The following RAD50 variants were observed in gnomAD, a reference collection of about 807,000 sequenced individuals.
The protein encoded by RAD50 is DNA repair protein RAD50.
RAD50 carries 132 observed loss-of-function variants against 168.8 expected under a neutral mutation model. The ratio of observed to expected loss-of-function variants is 0.78; its 90% CI spans 0.68 to 0.90. The LOEUF (loss-of-function observed/expected upper bound fraction) is 0.90, where lower values mean the gene tolerates loss of function less well. Ranked by LOEUF, RAD50 falls within the 40% of genes least tolerant of loss-of-function variation. RAD50 has a pLI of 0.00. For synonymous variants in RAD50, 525 were observed against 497.4 expected, an observed-to-expected ratio of 1.06 and a Z score of -0.74; for missense variants, 1,347 against 1,534.4, an observed-to-expected ratio of 0.88 and a Z score of 2.04.
rs1365024787 is a variant in RAD50, at chr5:132,601,923, A to T, written c.2208-1377A>T. On this transcript the variant is annotated intron_variant, in intron 13 of 24. Transcript: ENST00000378823. ...GTTCTCACTCATAAATGGGAGTTGA[A>T]CAATGAGAGCACATGGACACAGGGA... is the stretch of plus-strand genomic sequence containing the variant. Among the ~76,000 whole-genome samples the T allele has an allele frequency of 3.9e-5, 6 of 152,170 alleles. No homozygotes were observed. The East Asian group carries it at 1.2e-3, about 29-fold the overall frequency.
At chr5:132,560,051 TACACACACACAC>T (rs143575412) in intron 2 of RAD50, among the ~76,000 whole-genome samples, 1 of 147,580 alleles carries the variant, frequency 6.8e-6, no homozygotes, top group Non-Finnish European at 1.5e-5. Flanking sequence ...GAAACAACAA[TACACACACACAC>T]ACACACACAC....
At position 132,579,379 on chromosome 5, in the gene RAD50, C is replaced by T; in HGVS notation, c.428C>T (p.Ser143Phe). 2 of 1,613,944 alleles carry T rather than the reference C, an allele frequency of 1.2e-6. No individual in the cohort carries two copies. The highest frequency in any genetic ancestry group is 4.5e-5 in the East Asian group (2 of 44,854). Residue 143 changes from serine (S) to phenylalanine (F), a missense_variant, in exon 4 of 25, where the codon TCT becomes TTT. Coordinates refer to ENST00000378823, the MANE Select transcript of RAD50 (RefSeq NM_005732.4). ...CAEIDREMIS[S>F]LGVSKAVLNN... The stretch of plus-strand genomic sequence containing the variant: ...GAAATTGACCGAGAAATGATCAGTT[C>T]TCTTGGGGTTTCCAAGGCTGTGCTA...
intron 21 of RAD50, among the ~76,000 whole-genome samples, chr5:132,629,997 T>C (rs1324236111): frequency 6.6e-6 from 1 of 152,148 alleles, no homozygotes; most frequent in Non-Finnish European, 1.5e-5. Context: ...CAAAATGTTC[T>C]ACTCTCATTT....
intron 2 of RAD50, among the ~76,000 whole-genome samples, chr5:132,560,067 C>T (rs1750097503): frequency 6.7e-6 from 1 of 150,256 alleles, no homozygotes; most frequent in African/African-American, 2.5e-5. Context: ...CACACACACA[C>T]ACACACACAC....
intron 21 of RAD50, among the ~76,000 whole-genome samples, chr5:132,622,935 A>ATACTAAGAAAT (rs1751308937): frequency 6.6e-6 from 1 of 152,234 alleles, no homozygotes; most frequent in Non-Finnish European, 1.5e-5. Context: ...CTTAGTTGGT[A>ATACTAAGAAAT]GGTTCCTAGA....
At chr5:132,640,849 A>T (rs1392446625) in intron 24 of RAD50, 44 bp downstream of exon 24, 9 of 1,612,342 alleles carry the variant, frequency 5.6e-6, no homozygotes, top group Non-Finnish European at 7.6e-6. Flanking sequence ...AGTATCTCAC[A>T]TTTGGGGACA....
rs1750713204 is a variant in RAD50, at chr5:132,592,133, T to C, written c.1793+99T>C. The C allele has an allele frequency of 4.5e-6, 6 of 1,320,038 alleles. No homozygotes were observed. In the South Asian group the frequency reaches 6.1e-5, roughly 13 times the overall value. The allele number at this position is 1,320,038 out of a possible 1,614,324, so 81.8% of individuals were successfully genotyped here. ...TTTATTGTCATGAAATGGTATGTTA[T>C]ATTGATAAACTTTAGTTCTTACATA... On this transcript the variant is annotated intron_variant, in intron 11 of 24. Transcript: ENST00000378823.
chr5:132,587,694 TGTG>T lies in RAD50; in HGVS notation c.885+10_885+12del. The T allele has an allele frequency of 1.2e-6, 2 of 1,613,634 alleles. No homozygotes were observed. Among genetic ancestry groups the T allele is most frequent in the Non-Finnish European group, 1.7e-6 (2 of 1,179,810 alleles). On this transcript the variant is annotated splice_donor_5th_base_variant and intron_variant, in intron 6 of 24. Coordinates refer to ENST00000378823, the MANE Select transcript of RAD50 (RefSeq NM_005732.4). ...ACTGGAAGAGAAAATGGAAAAGGTT[TGTG>T]GTGGTAGAATTTTGTTCTGCTTCAA...
chr5:132,580,136 T>C, intron 5 of RAD50, 70 bp downstream of exon 5: 2 of 1,325,216 alleles, frequency 1.5e-6, no homozygotes, highest in East Asian at 2.3e-5. Context: ...TGTTTTGATA[T>C]AAGTATACAT....
intron 3 of RAD50, among the ~76,000 whole-genome samples, chr5:132,578,575 A>C (rs1488887469): frequency 8.4e-6 from 1 of 118,390 alleles, no homozygotes; most frequent in African/African-American, 3.4e-5. Flanking sequence ...CTTGTTTCCC[A>C]GGCTGGAGTG....
intron 11 of RAD50, chr5:132,592,877 T>C: frequency 2.1e-6 from 1 of 471,074 alleles, no homozygotes; most frequent in Non-Finnish European, 4.4e-6. Flanking sequence ...GCAGCTGATC[T>C]GGAAGCAGTG....
At chr5:132,624,914 AATAAG>A (rs1199482399) in intron 21 of RAD50, among the ~76,000 whole-genome samples, 1 of 151,210 alleles carries the variant, frequency 6.6e-6, no homozygotes, top group African/African-American at 2.4e-5. Flanking sequence ...TTCTATTTGG[AATAAG>A]ATAAGTTGGT....
intron 2 of RAD50, 46 bp downstream of exon 2, chr5:132,559,413 A>G (rs1178004330): frequency 6.5e-7 from 1 of 1,549,100 alleles, no homozygotes. Flanking sequence ...TATAAAAATG[A>G]TAATAGCTTA....
rs763430011 is a variant in RAD50 at position 132,580,065 on chromosome 5, A to C, written c.755A>C (p.Lys252Thr). The change falls in exon 5 of 25, where the codon AAG becomes ACG. Residue 252 changes from lysine to threonine, a missense_variant and splice_region_variant. Lys to Thr is a moderately conservative substitution (Grantham distance 78). Coordinates refer to ENST00000378823, the MANE Select transcript of RAD50 (RefSeq NM_005732.4). Reference sequence around the variant, plus strand: ...TATGAGAATGAACTTGATCCATTGAAGGTAACTTGATTTTATTTTTAATTG... The same window carrying C: ...TATGAGAATGAACTTGATCCATTGACGGTAACTTGATTTTATTTTTAATTG... ...KSYENELDPL[K>T]NRLKEIEHNL... The C allele has an allele frequency of 6.2e-7, 1 of 1,605,500 alleles. No homozygotes were observed. Among genetic ancestry groups the C allele is most frequent in the South Asian group, 1.1e-5 (1 of 90,836 alleles).
intron 9 of RAD50, among the ~76,000 whole-genome samples, chr5:132,590,867 C>T (rs1750685376): frequency 6.6e-6 from 1 of 152,110 alleles, no homozygotes. Flanking sequence ...TTCTACATAC[C>T]AGGCAATATA....
chr5:132,619,570 G>A (rs1445249536), intron 21 of RAD50, among the ~76,000 whole-genome samples: 1 of 151,388 alleles, frequency 6.6e-6, no homozygotes, highest in Non-Finnish European at 1.5e-5. Flanking sequence ...TGGCCCTATT[G>A]GTCTTTTCTT....
At position 132,589,700 on chromosome 5, in the gene RAD50, C is replaced by A. The variant is rs1554098317; in HGVS notation, c.1315C>A (p.Leu439Met). The A allele has an allele frequency of 3.7e-6, 6 of 1,612,428 alleles. No individual in the cohort carries two copies. The highest frequency in any genetic ancestry group is 5.1e-6 in the Non-Finnish European group (6 of 1,179,038). ...TGAGATAAGAGATAAGAAAACTGGA[C>A]TGGGAAGAATAATTGAGTTAAAATC... The part of the protein sequence containing the change: ...IDEIRDKKTG[L>M]GRIIELKSEI... Residue 439 changes from leucine to methionine, a missense_variant, in exon 9 of 25, where the codon CTG becomes ATG. Coordinates refer to ENST00000378823, the MANE Select transcript of RAD50 (RefSeq NM_005732.4).
At chr5:132,596,568 A>G (rs1422976635) in intron 13 of RAD50, among the ~76,000 whole-genome samples, 1 of 152,238 alleles carries the variant, frequency 6.6e-6, no homozygotes, top group Non-Finnish European at 1.5e-5. Flanking sequence ...TCACTTATAC[A>G]AGAAATTCGT....
intron 19 of RAD50, among the ~76,000 whole-genome samples, chr5:132,615,311 A>G (rs1337642471): frequency 6.6e-6 from 1 of 152,244 alleles, no homozygotes; most frequent in East Asian, 1.9e-4. Flanking sequence ...CTCAACAAGA[A>G]CAGCCAATTT....
Sources: allele counts gnomAD v4.1 joint callset (sites outside exome capture counted in the v4.1 genomes callset), GRCh38; gene constraint gnomAD v4.1.1; transcripts MANE v1.5; gene names NCBI Gene and HGNC (gene_info 2026-07-23, HGNC 2026-07-21).